CCM2: variants seen among roughly 807,000 people sequenced by gnomAD.
CCM2 encodes the protein CCM2 scaffold protein.
A neutral mutation model predicts 44.9 loss-of-function variants in CCM2; 25 were observed. The ratio of observed to expected loss-of-function variants is 0.56; its 90% CI spans 0.41 to 0.78. The LOEUF (loss-of-function observed/expected upper bound fraction) is 0.78. Ranked by LOEUF, CCM2 falls within the 30% of genes least tolerant of loss-of-function variation. The pLI is 0.00. For synonymous variants in CCM2, 219 were observed against 241.1 expected (o/e 0.91, Z 0.85); for missense variants, 481 against 580.6 (o/e 0.83, Z 1.76).
At chr7:45,026,419 A>G (rs1796691775) in intron 1 of CCM2, among the ~76,000 whole-genome samples, 1 of 152,202 alleles carries the variant, frequency 6.6e-6, no homozygotes, top group Non-Finnish European at 1.5e-5. Flanking sequence ...TGGAATCAGG[A>G]AATATTAAAC....
Position 45,074,228 on chromosome 7 carries a change from C to G in CCM2, c.916-42C>G, listed in dbSNP as rs562742746. The G allele has an allele frequency of 1.6e-4, 255 of 1,612,610 alleles. 1 individual carries two copies. The South Asian group carries it at 2.7e-3, about 17-fold the overall frequency. ...AGGTGGGCCCGACTGCCGACTCTTG[C>G]CTACTGTGCCCAGCCCCCTATCTGG... On this transcript the variant is annotated intron_variant, in intron 8 of 9. Transcript: ENST00000258781.
At chr7:45,016,867 A>T (rs1796288773) in intron 1 of CCM2, among the ~76,000 whole-genome samples, 1 of 152,180 alleles carries the variant, frequency 6.6e-6, no homozygotes, top group Admixed American at 6.5e-5. Context: ...TCCTGGCCTC[A>T]AGTGATCTGA....
Position 45,076,148 on chromosome 7 carries a change from G to A in CCM2, c.*91G>A, listed in dbSNP as rs372962627. 8 of 1,574,428 alleles carry A rather than the reference G, an allele frequency of 5.1e-6. No individual in the cohort carries two copies. In the Middle Eastern group the frequency reaches 1.1e-3, roughly 218 times the overall value. The stretch of plus-strand genomic sequence containing the variant: ...TGCCCAGACCTGCGTGTCAGCCCTT[G>A]GTGGTGGCCAGGGAGAGGCGCCCGG... On this transcript the variant is annotated 3_prime_UTR_variant, in exon 10 of 10. Transcript: ENST00000258781.
At chr7:45,057,413 G>A (rs1267820263) in intron 2 of CCM2, among the ~76,000 whole-genome samples, 2 of 151,912 alleles carry the variant, frequency 1.3e-5, no homozygotes, top group Admixed American at 6.6e-5. Flanking sequence ...CACCCGCCTC[G>A]GCCTCCCAAA....
At chr7:45,009,481 T>G (rs1328322542) in intron 1 of CCM2, among the ~76,000 whole-genome samples, 1 of 147,456 alleles carries the variant, frequency 6.8e-6, no homozygotes, top group Non-Finnish European at 1.5e-5. Flanking sequence ...TTCGGCTCAT[T>G]GCAACCTCCG....
At chr7:45,048,322 A>G (rs1036018477) in intron 2 of CCM2, among the ~76,000 whole-genome samples, 1 of 152,248 alleles carries the variant, frequency 6.6e-6, no homozygotes, top group African/African-American at 2.4e-5. Context: ...GATAGGAGAC[A>G]TTTAATCCCA....
Position 45,074,402 on chromosome 7 carries a change from C to T in CCM2, c.1048C>T (p.Leu350=), listed in dbSNP as rs1448321551. ...QLYGDSRKFL[L]LGLRPFIPEK... ...CTACGGGGACAGCCGCAAGTTCCTG[C>T]TGCTTGGTGAGTGGGCCCTGGAAAG... The change falls in exon 9 of 10, where the codon CTG becomes TTG. Residue 350 remains leucine (L), a synonymous_variant. Transcript: ENST00000258781. 2 of 1,612,954 alleles carry T rather than the reference C, an allele frequency of 1.2e-6. No individual in the cohort carries two copies. The highest frequency in any genetic ancestry group is 2.2e-5 in the East Asian group (1 of 44,886).
intron 1 of CCM2, among the ~76,000 whole-genome samples, chr7:45,010,281 CT>C (rs2128713678): frequency 6.6e-6 from 1 of 152,292 alleles, no homozygotes; most frequent in African/African-American, 2.4e-5. Context: ...ACTGAAACCC[CT>C]ACTAAGAAAT....
chr7:45,006,333 C>CTT (rs5883918), intron 1 of CCM2, among the ~76,000 whole-genome samples: 21,660 of 145,968 alleles, frequency 0.15, 2,058 homozygotes, highest in African/African-American at 0.27. Context: ...AAGATGGAGT[C>CTT]TTTTTTTTTT....
In CCM2 at chr7:45,076,125, C is replaced by T. The variant is rs1784243390; in HGVS notation, c.*68C>T. 1 of 1,599,286 alleles carries T rather than the reference C, an allele frequency of 6.3e-7. No individual in the cohort carries two copies. The stretch of plus-strand genomic sequence containing the variant: ...TCATAGGCCTTCCCAGAAGGAGCTG[C>T]CCAGACCTGCGTGTCAGCCCTTGGT... On this transcript the variant is annotated 3_prime_UTR_variant, in exon 10 of 10. Transcript: ENST00000258781.
chr7:45,037,908 G>A (rs1342820518), intron 1 of CCM2, among the ~76,000 whole-genome samples: 1 of 152,224 alleles, frequency 6.6e-6, no homozygotes, highest in African/African-American at 2.4e-5. Flanking sequence ...GGAAAGAGTT[G>A]GAGTGATGTT....
rs1270905404 is a variant in CCM2 at position 45,076,023 on chromosome 7, C to T, written c.1301C>T (p.Ala434Val). The change falls in exon 10 of 10, where the codon GCG (alanine) becomes GTG (valine). Residue 434 changes from alanine to valine, a missense_variant. Ala to Val is a moderately conservative substitution (Grantham distance 64). Transcript: ENST00000258781. ...MISDISSDIE[A>V]LGCSMDQDSA ...TCGGACATCAGCAGCGACATTGAGG[C>T]GCTGGGCTGCAGCATGGACCAGGAC... The T allele has an allele frequency of 2.5e-6, 4 of 1,613,030 alleles. No homozygotes were observed. Among genetic ancestry groups the T allele is most frequent in the East Asian group, 2.2e-5 (1 of 44,876 alleles).
chr7:45,004,728 C>T (rs1795776898), intron 1 of CCM2, among the ~76,000 whole-genome samples: 1 of 151,882 alleles, frequency 6.6e-6, no homozygotes, highest in South Asian at 2.1e-4. Flanking sequence ...TGGTGGTTGG[C>T]CAGGTGCGGT....
rs184178953 is a variant in CCM2, at chr7:45,053,530, G to A, written c.205-10388G>A. ...AGCCGTCTCCATAGATCCCTGCATG[G>A]ATCCCAGGCTCCCCTGGCTACTATT... On this transcript the variant is annotated intron_variant, in intron 2 of 9. Coordinates refer to ENST00000258781, the MANE Select transcript of CCM2 (RefSeq NM_031443.4). Among the ~76,000 whole-genome samples, 73 of 152,290 alleles carry A rather than the reference G, an allele frequency of 4.8e-4. 1 individual carries two copies. The highest frequency in any genetic ancestry group is 3.4e-3 in the Middle Eastern group (1 of 294).
chr7:45,046,028 C>A (rs1408067621), intron 2 of CCM2, among the ~76,000 whole-genome samples: 1 of 152,152 alleles, frequency 6.6e-6, no homozygotes, highest in Non-Finnish European at 1.5e-5. Flanking sequence ...TTGGAAGACT[C>A]AACCTAATTA....
At chr7:45,052,154 C>T (rs1798044067) in intron 2 of CCM2, among the ~76,000 whole-genome samples, 1 of 152,200 alleles carries the variant, frequency 6.6e-6, no homozygotes, top group South Asian at 2.1e-4. Context: ...CTGCTGCAGG[C>T]AGGAGAGGCA....
chr7:45,011,416 C>G (rs1796063190), intron 1 of CCM2, among the ~76,000 whole-genome samples: 1 of 152,076 alleles, frequency 6.6e-6, no homozygotes, highest in African/African-American at 2.4e-5. Context: ...GGGCTCCTCT[C>G]GAACTCCTGA....
intron 1 of CCM2, among the ~76,000 whole-genome samples, chr7:45,022,290 C>CTTTTTTTTTT (rs34095527): frequency 4.4e-5 from 2 of 45,430 alleles, no homozygotes; most frequent in African/African-American, 9.0e-5. Flanking sequence ...TTTGGACCAG[C>CTTTTTTTTTT]TTTTTTTTTT....
chr7:45,030,224 G>C (rs942805253), intron 1 of CCM2, among the ~76,000 whole-genome samples: 1 of 152,128 alleles, frequency 6.6e-6, no homozygotes, highest in Admixed American at 6.5e-5. Flanking sequence ...TTGGTCCTTT[G>C]GTCTCTGAGG....
Sources: gnomAD v4.1 joint callset for allele counts (sites outside exome capture counted in the v4.1 genomes callset) on GRCh38, gnomAD v4.1.1 for gene constraint, MANE v1.5 for transcripts, NCBI Gene and HGNC (gene_info 2026-07-23, HGNC 2026-07-21) for gene names.